The following ERC1 variants were observed in gnomAD, a reference collection of about 807,000 sequenced individuals.
The protein encoded by ERC1 is RAB6 interacting protein 2.
ERC1 carries 56 observed loss-of-function variants against 132.0 expected under a neutral mutation model. The ratio of observed to expected loss-of-function variants is 0.42; its 90% CI spans 0.34 to 0.53. The LOEUF (loss-of-function observed/expected upper bound fraction) is 0.53, where lower values mean the gene tolerates loss of function less well. Ranked by LOEUF, ERC1 falls within the 20% of genes least tolerant of loss-of-function variation. The pLI, the probability that ERC1 is intolerant of heterozygous loss-of-function variation, is 0.03. For missense variants in ERC1, 1,202 were observed against 1,349.9 expected, an observed-to-expected ratio of 0.89 and a Z score of 1.72; for synonymous variants, 478 against 476.1, an observed-to-expected ratio of 1.00 and a Z score of -0.05.
At chr12:1,053,664 A>G (rs1417129291) in intron 2 of ERC1, among the ~76,000 whole-genome samples, 1 of 152,000 alleles carries the variant, frequency 6.6e-6, no homozygotes, top group African/African-American at 2.4e-5. Context: ...AGACTCTTCT[A>G]TTTGCTTCCT....
At chr12:1,347,169 T>G (rs1456630604) in intron 15 of ERC1, among the ~76,000 whole-genome samples, 2 of 152,164 alleles carry the variant, frequency 1.3e-5, no homozygotes, top group African/African-American at 4.8e-5. Context: ...TAGCGTACAT[T>G]TTAGGTATTT....
At chr12:1,458,818 A>G (rs576020163) in intron 18 of ERC1, among the ~76,000 whole-genome samples, 9 of 152,284 alleles carry the variant, frequency 5.9e-5, no homozygotes, top group Admixed American at 2.0e-4. Context: ...TGTATTTTCT[A>G]ACCTTATCTG....
chr12:1,042,766 A>T (rs1396333078), intron 2 of ERC1, among the ~76,000 whole-genome samples: 1 of 152,166 alleles, frequency 6.6e-6, no homozygotes, highest in African/African-American at 2.4e-5. Flanking sequence ...TAAAATTTGA[A>T]AAATTGGGAG....
intron 4 of ERC1, among the ~76,000 whole-genome samples, chr12:1,105,657 A>G (rs539712971): frequency 3.9e-5 from 6 of 152,210 alleles, no homozygotes; most frequent in Non-Finnish European, 7.3e-5. Context: ...GCACCTGGCC[A>G]AGATTTATTA....
At chr12:995,396 T>A (rs778484930) in intron 1 of ERC1, among the ~76,000 whole-genome samples, 6 of 152,158 alleles carry the variant, frequency 3.9e-5, no homozygotes, top group Non-Finnish European at 8.8e-5. Flanking sequence ...GGTAGACCTA[T>A]AGAATTTGTT....
intron 13 of ERC1, among the ~76,000 whole-genome samples, chr12:1,256,289 T>TA (rs1594587318): frequency 6.6e-6 from 1 of 151,760 alleles, no homozygotes; most frequent in African/African-American, 2.4e-5. Context: ...TTTTTTTTTT[T>TA]TATAACTTTT....
At chr12:1,140,088 C>G (rs1949726483) in intron 7 of ERC1, among the ~76,000 whole-genome samples, 2 of 152,062 alleles carry the variant, frequency 1.3e-5, no homozygotes, top group South Asian at 4.1e-4. Context: ...CTTGGTGAGA[C>G]TGGTCGCGTA....
At chr12:1,141,482 G>A (rs965846040) in intron 7 of ERC1, 138 bp from the exon 8 acceptor site, 2 of 557,056 alleles carry the variant, frequency 3.6e-6, no homozygotes, top group African/African-American at 3.9e-5. Context: ...TGAATCCAGA[G>A]AAACATAGAT....
At chr12:1,225,399 A>G (rs936706576) in intron 12 of ERC1, among the ~76,000 whole-genome samples, 20 of 150,722 alleles carry the variant, frequency 1.3e-4, no homozygotes, top group African/African-American at 4.9e-4. Flanking sequence ...GTAGTGAGCT[A>G]TGATCACGCC....
intron 17 of ERC1, among the ~76,000 whole-genome samples, chr12:1,440,447 CTG>C (rs1555095470): frequency 2.7e-5 from 4 of 150,018 alleles, no homozygotes; most frequent in Non-Finnish European, 4.4e-5. Flanking sequence ...ACCTCGTGAT[CTG>C]CCCTCCTTGG....
chr12:1,153,736 G>A (rs1951047998), intron 8 of ERC1, among the ~76,000 whole-genome samples: 1 of 152,210 alleles, frequency 6.6e-6, no homozygotes, highest in Admixed American at 6.5e-5. Context: ...CCCCTCCCTG[G>A]CCGTGCGTGT....
At chr12:1,428,628 G>A (rs1277057874) in intron 17 of ERC1, among the ~76,000 whole-genome samples, 7 of 152,046 alleles carry the variant, frequency 4.6e-5, no homozygotes, top group Admixed American at 3.3e-4. Flanking sequence ...ATAGAGTTAC[G>A]TTGTGGAGGA....
intron 12 of ERC1, among the ~76,000 whole-genome samples, chr12:1,231,105 C>T (rs774030299): frequency 6.6e-6 from 1 of 151,054 alleles, no homozygotes; most frequent in Non-Finnish European, 1.5e-5. Flanking sequence ...TTTGTAGGTC[C>T]TTTGTTCCTT....
chr12:1,420,588 T>C (rs10744540), intron 17 of ERC1, among the ~76,000 whole-genome samples: 151,082 of 152,206 alleles, frequency 0.99, 74,985 homozygotes, highest in Middle Eastern at 1. Flanking sequence ...CCCGAGTAGC[T>C]GGGACTACAG....
At chr12:1,104,915 G>T (rs772636935) in intron 4 of ERC1, 91 bp downstream of exon 4, 23 of 763,102 alleles carry the variant, frequency 3.0e-5, no homozygotes, top group Non-Finnish European at 5.1e-5. Context: ...GAAATGGCAT[G>T]TAATAGTATT....
At chr12:1,344,944 T>C (rs2084294221) in intron 15 of ERC1, among the ~76,000 whole-genome samples, 3 of 152,178 alleles carry the variant, frequency 2.0e-5, no homozygotes, top group African/African-American at 2.4e-5. Flanking sequence ...TATGATTTAC[T>C]TATTTGTTAT....
intron 2 of ERC1, among the ~76,000 whole-genome samples, chr12:1,073,222 A>G (rs1000950901): frequency 9.2e-5 from 14 of 151,972 alleles, no homozygotes; most frequent in Admixed American, 2.6e-4. Flanking sequence ...AATGGCTTGA[A>G]CCCAGAAGAC....
In ERC1 at chr12:1,266,391, CTTTTTTTTTTTTTTT is replaced by C. The variant is rs71293128; in HGVS notation, c.2619+3243_2619+3257del. ...TATTATTATTTTTATCGTTTCCTGT[CTTTTTTTTTTTTTTT>C]TTTTTTTTTTTTTTTTGAGATGGAG... On this transcript the variant is annotated intron_variant, in intron 14 of 18. Coordinates refer to ENST00000360905, the MANE Select transcript of ERC1 (RefSeq NM_178040.4). Among the ~76,000 whole-genome samples, 17 of 43,016 alleles carry C rather than the reference CTTTTTTTTTTTTTTT, an allele frequency of 4.0e-4. 1 individual carries two copies. In the East Asian group the frequency reaches 7.6e-3, roughly 19 times the overall value. The allele number at this position is 43,016 out of a possible 152,430, so 28.2% of individuals were successfully genotyped here. A position where few individuals can be genotyped will look rare whatever the true frequency, so the allele number is the denominator to read the frequency against.
At chr12:1,197,621 CA>C (rs1303754494) in intron 12 of ERC1, among the ~76,000 whole-genome samples, 3 of 152,208 alleles carry the variant, frequency 2.0e-5, no homozygotes. Context: ...ATGCTTCTCT[CA>C]GTCTGGACTC....
Sources: allele counts gnomAD v4.1 joint callset (sites outside exome capture counted in the v4.1 genomes callset), GRCh38; gene constraint gnomAD v4.1.1; transcripts MANE v1.5; gene names NCBI Gene and HGNC (gene_info 2026-07-23, HGNC 2026-07-21).